CDH12: variants seen among roughly 807,000 people sequenced by gnomAD.
CDH12 encodes the protein cadherin-12.
A neutral mutation model predicts 74.1 loss-of-function variants in CDH12; 41 were observed. The ratio of observed to expected loss-of-function variants is 0.55; its 90% CI spans 0.43 to 0.72. The LOEUF is 0.72. Ranked by LOEUF, CDH12 falls within the 30% of genes least tolerant of loss-of-function variation. The pLI is 0.00. For missense variants in CDH12, 945 were observed against 977.2 expected (o/e 0.97, Z 0.44); for synonymous variants, 399 against 355.0 (o/e 1.12, Z -1.39).
intron 6 of CDH12, among the ~76,000 whole-genome samples, chr5:21,927,009 T>C (rs577209012): frequency 6.6e-6 from 1 of 152,282 alleles, no homozygotes; most frequent in South Asian, 2.1e-4. Flanking sequence ...GGGAAATTTC[T>C]TGGGATAACC....
chr5:22,433,294 T>G (rs1744246422), intron 2 of CDH12, among the ~76,000 whole-genome samples: 1 of 152,206 alleles, frequency 6.6e-6, no homozygotes, highest in Admixed American at 6.6e-5. Context: ...TGTGAAAAAT[T>G]AAAATGTATC....
At chr5:22,361,101 A>G in intron 3 of CDH12, among the ~76,000 whole-genome samples, 1 of 152,200 alleles carries the variant, frequency 6.6e-6, no homozygotes, top group Non-Finnish European at 1.5e-5. Flanking sequence ...AGGAGAAAGA[A>G]ATAAAGGATA....
chr5:22,362,026 A>G (rs1190353482), intron 3 of CDH12, among the ~76,000 whole-genome samples: 3 of 152,230 alleles, frequency 2.0e-5, no homozygotes, highest in Admixed American at 2.0e-4. Context: ...ATGGGCAAGG[A>G]CTTAATGTCT....
intron 9 of CDH12, among the ~76,000 whole-genome samples, chr5:21,812,495 A>T (rs1747802555): frequency 6.6e-6 from 1 of 152,078 alleles, no homozygotes; most frequent in African/African-American, 2.4e-5. Context: ...TGCAAGATGA[A>T]GTTTTCTGAG....
chr5:22,113,319 C>T (rs975385331), intron 4 of CDH12, among the ~76,000 whole-genome samples: 1 of 152,120 alleles, frequency 6.6e-6, no homozygotes, highest in East Asian at 1.9e-4. Flanking sequence ...CTAGGCTCTC[C>T]CAGTCCTAAA....
chr5:22,045,186 T>A (rs187783238), intron 5 of CDH12, among the ~76,000 whole-genome samples: 96 of 152,306 alleles, frequency 6.3e-4, no homozygotes, highest in Non-Finnish European at 1.2e-3. Flanking sequence ...CTGTATGTGA[T>A]GAAATGCTTA....
chr5:21,813,092 C>G (rs11952593), intron 9 of CDH12, among the ~76,000 whole-genome samples: 1 of 152,148 alleles, frequency 6.6e-6, no homozygotes, highest in Non-Finnish European at 1.5e-5. Flanking sequence ...ATCTGTTTCC[C>G]GGTTTACTTC....
In CDH12 at chr5:22,485,004, C is replaced by A. The variant is rs534370400; in HGVS notation, c.-428+20266G>T. On this transcript the variant is annotated intron_variant, in intron 2 of 14. Coordinates refer to ENST00000382254, the MANE Select transcript of CDH12 (RefSeq NM_004061.5). ...AAATATTAGGGAAAATAGAATTTTA[C>A]CTTACTATCTTAGAAAATGTATAAT... 1.6e-4 allele frequency among the ~76,000 whole-genome samples: 24 copies of A among 152,102 alleles called. No homozygotes were observed. The South Asian group carries it at 5.0e-3, about 32-fold the overall frequency.
At chr5:22,107,734 C>G (rs1006945205) in intron 4 of CDH12, among the ~76,000 whole-genome samples, 2 of 152,076 alleles carry the variant, frequency 1.3e-5, no homozygotes, top group Non-Finnish European at 2.9e-5. Context: ...ATACATCTTA[C>G]TGGCCTGTAT....
intron 1 of CDH12, among the ~76,000 whole-genome samples, chr5:22,560,501 A>G (rs1024689559): frequency 1.3e-5 from 2 of 152,110 alleles, no homozygotes; most frequent in Non-Finnish European, 2.9e-5. Context: ...GTTTTCTCCT[A>G]CTCACCATAA....
At chr5:22,799,819 C>T (rs1029898625) in intron 1 of CDH12, among the ~76,000 whole-genome samples, 3 of 152,076 alleles carry the variant, frequency 2.0e-5, no homozygotes, top group Admixed American at 2.0e-4. Flanking sequence ...TTACAACCTA[C>T]AAAACAACAC....
chr5:22,144,604 G>A (rs748799782), intron 4 of CDH12, among the ~76,000 whole-genome samples: 7 of 151,962 alleles, frequency 4.6e-5, no homozygotes, highest in Non-Finnish European at 8.8e-5. Flanking sequence ...GTTATGTGGA[G>A]GCATCTTTCC....
rs147613981 is a variant in CDH12 at position 22,748,372 on chromosome 5, A to G, written c.-523+104686T>C. On this transcript the variant is annotated intron_variant, in intron 1 of 14. Coordinates refer to ENST00000382254, the MANE Select transcript of CDH12 (RefSeq NM_004061.5). ...ATGTAGCAAAGTGCTCCCAAAATAT[A>G]GATAATACTGGCAGCACAGAAAATG... Among the ~76,000 whole-genome samples, 22 of 152,240 alleles carry G rather than the reference A, an allele frequency of 1.4e-4. No homozygotes were observed. In the East Asian group the frequency reaches 4.3e-3, roughly 29 times the overall value.
chr5:22,752,840 C>T (rs551668637), intron 1 of CDH12, among the ~76,000 whole-genome samples: 66 of 151,948 alleles, frequency 4.3e-4, no homozygotes, highest in Middle Eastern at 3.4e-3. Context: ...TCCCAAAGTG[C>T]TGGGATTACA....
At chr5:22,388,991 A>AAGAT (rs1467232017) in intron 3 of CDH12, among the ~76,000 whole-genome samples, 15 of 152,192 alleles carry the variant, frequency 9.9e-5, no homozygotes, top group Non-Finnish European at 1.2e-4. Context: ...CATTTTAAAC[A>AAGAT]TCTTTTCTTA....
At chr5:21,781,388 T>G (rs1302736821) in intron 11 of CDH12, among the ~76,000 whole-genome samples, 1 of 152,138 alleles carries the variant, frequency 6.6e-6, no homozygotes, top group East Asian at 1.9e-4. Context: ...AATTAGCATT[T>G]GAACAACTGT....
intron 3 of CDH12, among the ~76,000 whole-genome samples, chr5:22,269,109 C>T (rs1212441151): frequency 6.6e-6 from 1 of 152,094 alleles, no homozygotes; most frequent in East Asian, 1.9e-4. Context: ...TGCAAGCTTT[C>T]TGAGAGTATG....
At chr5:21,852,406 T>A (rs1241999516) in intron 7 of CDH12, among the ~76,000 whole-genome samples, 1 of 151,472 alleles carries the variant, frequency 6.6e-6, no homozygotes, top group East Asian at 1.9e-4. Context: ...TACTGTATGG[T>A]AAAACAAACT....
chr5:21,832,804 TATC>T (rs1211005498), intron 8 of CDH12, among the ~76,000 whole-genome samples: 2 of 83,792 alleles, frequency 2.4e-5, no homozygotes, highest in South Asian at 3.4e-4. Flanking sequence ...ATATATATAT[TATC>T]ATATAATATA....
Sources: allele counts gnomAD v4.1 joint callset (sites outside exome capture counted in the v4.1 genomes callset), GRCh38; gene constraint gnomAD v4.1.1; transcripts MANE v1.5; gene names NCBI Gene and HGNC (gene_info 2026-07-23, HGNC 2026-07-21).